MGST1: variants seen among roughly 807,000 people sequenced by gnomAD.
The protein encoded by MGST1 is microsomal glutathione S-transferase 1, also known as glutathione S-transferase 12.
Under a neutral mutation model 8.9 loss-of-function variants are expected in MGST1, and 5 were observed. That is an observed-to-expected ratio of 0.56 (90% CI 0.29 to 1.19). The LOEUF (loss-of-function observed/expected upper bound fraction) is 1.19, where lower values mean the gene tolerates loss of function less well. Among genes scored for constraint, MGST1 ranks in the 50% most tolerant of loss-of-function variants. The pLI, the probability that MGST1 is intolerant of heterozygous loss-of-function variation, is 0.08. For synonymous variants in MGST1, 54 were observed against 67.8 expected (o/e 0.80, Z 1.00); for missense variants, 182 against 187.4 (o/e 0.97, Z 0.17).
intron 1 of MGST1, among the ~76,000 whole-genome samples, chr12:16,425,227 A>C (rs1473964780): frequency 6.6e-6 from 1 of 152,290 alleles, no homozygotes; most frequent in Admixed American, 6.5e-5. Context: ...AAAAGTAATA[A>C]AATAGCCATA....
At chr12:16,415,717 T>C (rs1940782401) in intron 1 of MGST1, among the ~76,000 whole-genome samples, 1 of 152,200 alleles carries the variant, frequency 6.6e-6, no homozygotes, top group South Asian at 2.1e-4. Context: ...AACAGTAGGC[T>C]ATTAGTAGTT....
intron 4 of MGST1, among the ~76,000 whole-genome samples, chr12:16,496,942 A>G (rs1325770972): frequency 1.3e-5 from 2 of 152,194 alleles, no homozygotes; most frequent in Non-Finnish European, 2.9e-5. Context: ...TGCATAATTG[A>G]AAAAGCACTG....
At chr12:16,409,660 G>A (rs184280003) in intron 1 of MGST1, among the ~76,000 whole-genome samples, 1 of 152,272 alleles carries the variant, frequency 6.6e-6, no homozygotes, top group East Asian at 1.9e-4. Flanking sequence ...CTAAGCCTTT[G>A]CAGAACAATA....
At chr12:16,399,053 G>T (rs1940629601) in intron 1 of MGST1, among the ~76,000 whole-genome samples, 1 of 152,122 alleles carries the variant, frequency 6.6e-6, no homozygotes, top group African/African-American at 2.4e-5. Context: ...CTGTCCTCAA[G>T]AACACCTCCT....
chr12:16,519,542 T>G (rs1941635092), intron 4 of MGST1, among the ~76,000 whole-genome samples: 1 of 152,186 alleles, frequency 6.6e-6, no homozygotes, highest in African/African-American at 2.4e-5. Flanking sequence ...GTCCAGTTGC[T>G]CTCCAATCAG....
rs1940044260 is a variant in MGST1 at position 16,362,442 on chromosome 12, G to T, written c.222-1353G>T. 6.6e-6 allele frequency: 1 copy of T among 152,082 alleles called. No homozygotes were observed. The highest frequency in any genetic ancestry group is 2.1e-4 in the South Asian group (1 of 4,814). 9.4% of individuals were successfully genotyped at this position (152,082 alleles called of 1,614,324 possible). On this transcript the variant is annotated intron_variant, in intron 3 of 3. Coordinates refer to ENST00000396210, the MANE Select transcript of MGST1 (RefSeq NM_020300.5). The surrounding 1 kb of genome is among the most constrained non-coding windows in gnomAD (Gnocchi z 4.4). ...CTAGGGAAGACAAGACAAAGGAAAGGAGAGGAGGAGAGTGACGATCGTTGA... is the reference window on the plus strand; with the variant it reads ...CTAGGGAAGACAAGACAAAGGAAAGTAGAGGAGGAGAGTGACGATCGTTGA...
rs61750874 is a variant in MGST1 at position 16,513,716 on chromosome 12, T to C, written n.483-75812T>C. On this transcript the variant is annotated intron_variant and non_coding_transcript_variant, in intron 4 of 4. Coordinates refer to the MGST1 transcript ENST00000538857. The surrounding 1 kb of genome is among the most constrained non-coding windows in gnomAD (Gnocchi z 4.2). ...GAATTTTGCAAGGCATCTGCAGAAG[T>C]AGCCTTGGGCGAGAATAGCGAAGTC... 720 of 559,560 alleles carry C rather than the reference T, an allele frequency of 1.3e-3. 9 individuals carry two copies. The highest frequency in any genetic ancestry group is 0.012 in the African/African-American group (640 of 52,914). The allele number at this position is 559,560 out of a possible 1,614,324, so 34.7% of individuals were successfully genotyped here.
chr12:16,381,337 G>A (rs1008958847), downstream of MGST1, among the ~76,000 whole-genome samples: 3 of 152,090 alleles, frequency 2.0e-5, no homozygotes, highest in African/African-American at 7.2e-5. Flanking sequence ...CAGGCCTGGT[G>A]GTGACAAAAT....
intron 4 of MGST1, among the ~76,000 whole-genome samples, chr12:16,498,518 A>G (rs1160223557): frequency 6.6e-6 from 1 of 152,158 alleles, no homozygotes; most frequent in African/African-American, 2.4e-5. Flanking sequence ...GCTGACATAG[A>G]GTGCAAGTCC....
intron 2 of MGST1, 43 bp downstream of exon 2, chr12:16,354,421 G>T: frequency 6.4e-7 from 1 of 1,560,422 alleles, no homozygotes. Flanking sequence ...TTAAGAGTTG[G>T]AATTCTGGAG....
Position 16,401,560 on chromosome 12 carries a change from C to T in MGST1, n.778+17956C>T, listed in dbSNP as rs150946906. The T allele has an allele frequency of 3.9e-4, 460 of 1,190,736 alleles. 3 individuals carry two copies. The East Asian group carries it at 8.5e-3, about 22-fold the overall frequency. 73.8% of individuals were successfully genotyped at this position (1,190,736 alleles called of 1,614,324 possible). A position where few individuals can be genotyped will look rare whatever the true frequency, so the allele number is the denominator to read the frequency against. ...CTGAGGAGGATCAGCCATCAAAGTG[C>T]GAACAGGTTGGAGCAATAAGACTCG... On this transcript the variant is annotated intron_variant and non_coding_transcript_variant, in intron 1 of 1. Transcript: ENST00000359720. This position sits in a 1 kb window ranked among gnomAD's most constrained non-coding sequence, Gnocchi z 4.3.
intron 1 of MGST1, among the ~76,000 whole-genome samples, chr12:16,434,008 A>G (rs2137096389): frequency 6.6e-6 from 1 of 152,230 alleles, no homozygotes; most frequent in Admixed American, 6.5e-5. Flanking sequence ...CTCTTCTACA[A>G]AACTAACTTC....
intron 4 of MGST1, among the ~76,000 whole-genome samples, chr12:16,531,369 G>A (rs2137200799): frequency 6.6e-6 from 1 of 151,896 alleles, no homozygotes; most frequent in South Asian, 2.1e-4. Context: ...TCATCTTTTT[G>A]TTCTTTTGTT....
At chr12:16,512,201 A>C (rs115809684) in intron 4 of MGST1, among the ~76,000 whole-genome samples, 1 of 152,102 alleles carries the variant, frequency 6.6e-6, no homozygotes, top group African/African-American at 2.4e-5. Flanking sequence ...GGACATATAC[A>C]CTGAGAGCAC....
At chr12:16,461,646 C>A (rs1941222457) in intron 4 of MGST1, among the ~76,000 whole-genome samples, 1 of 152,120 alleles carries the variant, frequency 6.6e-6, no homozygotes, top group Non-Finnish European at 1.5e-5. Context: ...CATTTCAACT[C>A]TCCTTGAAAA....
chr12:16,427,882 C>A (rs184575165), intron 1 of MGST1, among the ~76,000 whole-genome samples: 1 of 151,830 alleles, frequency 6.6e-6, no homozygotes, highest in Admixed American at 6.5e-5. Context: ...CTATGACTCA[C>A]CTGTTCTTGA....
intron 4 of MGST1, among the ~76,000 whole-genome samples, chr12:16,506,314 G>GT (rs1158960311): frequency 6.6e-6 from 1 of 152,154 alleles, no homozygotes; most frequent in African/African-American, 2.4e-5. Flanking sequence ...ATTACCCTGA[G>GT]TTTTGGGACC....
At chr12:16,416,956 G>A (rs2137080069) in intron 1 of MGST1, among the ~76,000 whole-genome samples, 1 of 152,202 alleles carries the variant, frequency 6.6e-6, no homozygotes. Flanking sequence ...GTATCACAAG[G>A]TAGCCAGTTA....
At chr12:16,569,524 T>TA (rs1473230544) in intron 4 of MGST1, among the ~76,000 whole-genome samples, 3 of 152,182 alleles carry the variant, frequency 2.0e-5, no homozygotes, top group Admixed American at 6.5e-5. Context: ...GAGCAGGTGT[T>TA]ACTGCTATTT....
Sources: allele counts gnomAD v4.1 joint callset (sites outside exome capture counted in the v4.1 genomes callset), GRCh38; gene constraint gnomAD v4.1.1; non-coding constraint Gnocchi (gnomAD v3.1); transcripts MANE v1.5; gene names NCBI Gene and HGNC (gene_info 2026-07-23, HGNC 2026-07-21).